The following FBXO31 variants were observed in gnomAD, a reference collection of about 807,000 sequenced individuals.
FBXO31 encodes F-box only protein 31.
In FBXO31, 24 loss-of-function variants were observed where a neutral mutation model predicts 54.4. That is an observed-to-expected ratio of 0.44 (90% CI 0.32 to 0.62). The LOEUF (loss-of-function observed/expected upper bound fraction) is 0.62. Among genes scored for constraint, FBXO31 ranks in the 20% least tolerant of loss-of-function variants. The pLI is 0.05. For synonymous variants in FBXO31, 388 were observed against 335.6 expected, an observed-to-expected ratio of 1.16 and a Z score of -1.71; for missense variants, 665 against 787.1, an observed-to-expected ratio of 0.84 and a Z score of 1.86.
chr16:87,365,010 A>AAAATATATATATATATATATATATAT (rs1233086176), intron 1 of FBXO31, among the ~76,000 whole-genome samples: 1 of 47,684 alleles, frequency 2.1e-5, no homozygotes, highest in African/African-American at 1.0e-4. Flanking sequence ...CCGTCTCTTA[A>AAAATATATATATATATATATATATAT]ATATATATAT....
chr16:87,352,161 C>T (rs1905690814), intron 2 of FBXO31, among the ~76,000 whole-genome samples: 1 of 152,046 alleles, frequency 6.6e-6, no homozygotes, highest in South Asian at 2.1e-4. Flanking sequence ...TCACACTGTG[C>T]CCCATAAAGA....
chr16:87,388,149 C>T (rs931515530), upstream of FBXO31, among the ~76,000 whole-genome samples: 1 of 152,254 alleles, frequency 6.6e-6, no homozygotes, highest in African/African-American at 2.4e-5. Context: ...TAGGAAACAG[C>T]TGCGGGTCGC....
At chr16:87,374,852 T>C (rs1431496572) in intron 1 of FBXO31, among the ~76,000 whole-genome samples, 1 of 152,228 alleles carries the variant, frequency 6.6e-6, no homozygotes, top group African/African-American at 2.4e-5. Context: ...TTCCAAAGCA[T>C]ATCAGCTTTA....
chr16:87,373,438 C>T (rs531712704), intron 1 of FBXO31, among the ~76,000 whole-genome samples: 4 of 151,902 alleles, frequency 2.6e-5, no homozygotes, highest in East Asian at 3.9e-4. Context: ...GGCGACAGAG[C>T]GAGACGCTGT....
chr16:87,334,413 G>C, intron 7 of FBXO31, 127 bp from the exon 8 acceptor site: 1 of 798,888 alleles, frequency 1.3e-6, no homozygotes, highest in Non-Finnish European at 1.9e-6. Context: ...ACTTAGCAAC[G>C]TCCCTTACAG....
At position 87,335,548 on chromosome 16, in the gene FBXO31, G is replaced by A. The variant is rs1489155786; in HGVS notation, c.843-91C>T. The A allele has an allele frequency of 1.3e-5, 15 of 1,130,456 alleles. No homozygotes were observed. The highest frequency in any genetic ancestry group is 2.9e-4 in the Middle Eastern group (1 of 3,410). The allele number at this position is 1,130,456 out of a possible 1,614,324, so 70.0% of individuals were successfully genotyped here. ...GTGCCAGGGATGAGCTTTGCAGGGC[G>A]GGGTAGGGCGGGCAGCTCAGCTCAA... On this transcript the variant is annotated intron_variant, in intron 6 of 8. Coordinates refer to ENST00000311635, the MANE Select transcript of FBXO31 (RefSeq NM_024735.5). The surrounding 1 kb of genome is among the most constrained non-coding windows in gnomAD (Gnocchi z 5.7).
intron 1 of FBXO31, among the ~76,000 whole-genome samples, chr16:87,371,264 A>G (rs1240443105): frequency 1.8e-4 from 28 of 152,176 alleles, no homozygotes; most frequent in Non-Finnish European, 1.3e-4. Context: ...AGCCATGTGG[A>G]CAGGAGACTT....
rs745404732 is a variant in FBXO31, at chr16:87,336,899, C to T, written c.733-635G>A. The stretch of plus-strand genomic sequence containing the variant: ...TTTCGTGCTTAATGGTTTGATTCTA[C>T]ACAATTTACAGAATTCACCCAAACT... On this transcript the variant is annotated intron_variant, in intron 5 of 8. Transcript: ENST00000311635. This position sits in a 1 kb window ranked among gnomAD's most constrained non-coding sequence, Gnocchi z 6.5. Among the ~76,000 whole-genome samples the T allele has an allele frequency of 6.6e-6, 1 of 152,212 alleles. No homozygotes were observed. Among genetic ancestry groups the T allele is most frequent in the Non-Finnish European group, 1.5e-5 (1 of 68,048 alleles).
intron 1 of FBXO31, among the ~76,000 whole-genome samples, chr16:87,378,325 T>C (rs1489637735): frequency 6.6e-6 from 1 of 152,080 alleles, no homozygotes; most frequent in Non-Finnish European, 1.5e-5. Flanking sequence ...ATCAGGCAAA[T>C]GCAAAATAAA....
intron 1 of FBXO31, among the ~76,000 whole-genome samples, chr16:87,361,239 G>C (rs1013590142): frequency 1.3e-5 from 2 of 152,352 alleles, no homozygotes; most frequent in East Asian, 1.9e-4. Context: ...TCCCATAAGA[G>C]AGTCACCACT....
chr16:87,364,101 A>C (rs572159612), intron 1 of FBXO31, among the ~76,000 whole-genome samples: 1 of 152,286 alleles, frequency 6.6e-6, no homozygotes, highest in Non-Finnish European at 1.5e-5. Context: ...GGTTATGTTG[A>C]TACAACACAA....
upstream of FBXO31, among the ~76,000 whole-genome samples, chr16:87,386,482 G>C (rs547015777): frequency 6.6e-6 from 1 of 152,178 alleles, no homozygotes; most frequent in Non-Finnish European, 1.5e-5. Flanking sequence ...ACCCAGGCTG[G>C]AGTGCAGTGG....
intron 5 of FBXO31, among the ~76,000 whole-genome samples, chr16:87,340,319 G>A (rs1479412599): frequency 6.6e-6 from 1 of 152,198 alleles, no homozygotes; most frequent in Non-Finnish European, 1.5e-5. Context: ...AATGAGAATA[G>A]TGTGGTACTG....
upstream of FBXO31, among the ~76,000 whole-genome samples, chr16:87,386,457 G>A (rs1907331199): frequency 6.6e-6 from 1 of 152,162 alleles, no homozygotes. Context: ...TTTAGAGACG[G>A]AGTCTCACTC....
chr16:87,376,868 T>G (rs1391160344), intron 1 of FBXO31, among the ~76,000 whole-genome samples: 1 of 152,190 alleles, frequency 6.6e-6, no homozygotes, highest in Non-Finnish European at 1.5e-5. Flanking sequence ...AACGAAATGT[T>G]AGGAAAGATG....
intron 1 of FBXO31, among the ~76,000 whole-genome samples, chr16:87,373,731 C>A (rs1338560011): frequency 6.6e-6 from 1 of 152,136 alleles, no homozygotes; most frequent in Non-Finnish European, 1.5e-5. Flanking sequence ...GTCCCTTTCA[C>A]TTCTTCCCGA....
intron 2 of FBXO31, among the ~76,000 whole-genome samples, chr16:87,356,172 T>C (rs1289344413): frequency 6.8e-6 from 1 of 147,612 alleles, no homozygotes; most frequent in East Asian, 2.0e-4. Flanking sequence ...GAGGCTGTAG[T>C]GAGCTGAGAT....
At chr16:87,388,485 G>T (rs2150704855), upstream of FBXO31, among the ~76,000 whole-genome samples, 1 of 152,346 alleles carries the variant, frequency 6.6e-6, no homozygotes, top group South Asian at 2.1e-4. Context: ...AAAGCCGGTG[G>T]CCTCTCTCTT....
Position 87,345,288 on chromosome 16 carries a change from C to T in FBXO31, c.490-1523G>A, listed in dbSNP as rs1362090846. Reference sequence around the variant, plus strand: ...TCAACAAAGTCAGGGCGGGGCTTTCCGGAAAGTTCAAGAGGCTCCAGCAGG... The same window carrying T: ...TCAACAAAGTCAGGGCGGGGCTTTCTGGAAAGTTCAAGAGGCTCCAGCAGG... On this transcript the variant is annotated intron_variant, in intron 3 of 8. Transcript: ENST00000311635. This position sits in a 1 kb window ranked among gnomAD's most constrained non-coding sequence, Gnocchi z 4.9. Among the ~76,000 whole-genome samples the T allele has an allele frequency of 2.8e-5, 4 of 141,722 alleles. No individual in the cohort carries two copies. The highest frequency in any genetic ancestry group is 6.0e-5 in the Non-Finnish European group (4 of 66,250). 93.0% of individuals were successfully genotyped at this position (141,722 alleles called of 152,430 possible). A position where few individuals can be genotyped will look rare whatever the true frequency, so the allele number is the denominator to read the frequency against.
Sources: allele counts gnomAD v4.1 joint callset (sites outside exome capture counted in the v4.1 genomes callset), GRCh38; gene constraint gnomAD v4.1.1; non-coding constraint Gnocchi (gnomAD v3.1); transcripts MANE v1.5; gene names NCBI Gene and HGNC (gene_info 2026-07-23, HGNC 2026-07-21).